Variants in SPAG16 observed in about 807,000 individuals in gnomAD.
The protein encoded by SPAG16 is sperm associated antigen 16.
In SPAG16, 86 loss-of-function variants were observed where a neutral mutation model predicts 80.4. The observed-to-expected ratio is 1.07, with a 90% CI of 0.90 to 1.28. The LOEUF (loss-of-function observed/expected upper bound fraction) is 1.28. Among genes scored for constraint, SPAG16 ranks in the 50% most tolerant of loss-of-function variants. The pLI is 0.00. For synonymous variants in SPAG16, 294 were observed against 265.9 expected, an observed-to-expected ratio of 1.11 and a Z score of -1.03; for missense variants, 870 against 765.3, an observed-to-expected ratio of 1.14 and a Z score of -1.61.
At chr2:213,385,171 G>A (rs2130057) in intron 9 of SPAG16, among the ~76,000 whole-genome samples, 133,327 of 152,104 alleles carry the variant, frequency 0.88, 60,446 homozygotes, top group East Asian at 1. Flanking sequence ...GGGATTTTTG[G>A]CCTTTTATGG....
At chr2:213,764,282 G>A (rs533288483) in intron 10 of SPAG16, among the ~76,000 whole-genome samples, 1 of 151,778 alleles carries the variant, frequency 6.6e-6, no homozygotes, top group Admixed American at 6.6e-5. Context: ...CCAAATGAAT[G>A]CTTGGAATTT....
chr2:213,879,932 C>T (rs188972063), intron 11 of SPAG16, among the ~76,000 whole-genome samples: 1 of 152,122 alleles, frequency 6.6e-6, no homozygotes, highest in African/African-American at 2.4e-5. Flanking sequence ...GTGAAAAGTG[C>T]AGCAATGAAC....
At chr2:213,555,728 A>T (rs907556313) in intron 10 of SPAG16, among the ~76,000 whole-genome samples, 3 of 152,214 alleles carry the variant, frequency 2.0e-5, no homozygotes, top group African/African-American at 7.2e-5. Flanking sequence ...AGCTGAAAGG[A>T]TACTAATGAG....
At chr2:213,311,856 A>G (rs1199161171) in intron 4 of SPAG16, among the ~76,000 whole-genome samples, 1 of 151,510 alleles carries the variant, frequency 6.6e-6, no homozygotes, top group East Asian at 1.9e-4. Flanking sequence ...GAATTCACTT[A>G]ATCTTTCAAA....
chr2:213,712,395 A>G (rs2066038490), intron 10 of SPAG16, among the ~76,000 whole-genome samples: 1 of 152,192 alleles, frequency 6.6e-6, no homozygotes, highest in Admixed American at 6.5e-5. Flanking sequence ...TGTTAAAAAG[A>G]GACTTCTACC....
chr2:213,710,192 G>A (rs1477886270), intron 10 of SPAG16, among the ~76,000 whole-genome samples: 1 of 151,930 alleles, frequency 6.6e-6, no homozygotes, highest in Non-Finnish European at 1.5e-5. Flanking sequence ...GCTGAGGCAG[G>A]AGAATCACTT....
chr2:213,498,031 A>T (rs577675649), intron 10 of SPAG16, among the ~76,000 whole-genome samples: 1 of 152,282 alleles, frequency 6.6e-6, no homozygotes, highest in South Asian at 2.1e-4. Flanking sequence ...GTCAGAGAAG[A>T]TGGTTTAGAA....
intron 5 of SPAG16, among the ~76,000 whole-genome samples, chr2:213,323,128 G>T (rs769462960): frequency 5.3e-5 from 8 of 152,126 alleles, no homozygotes; most frequent in Non-Finnish European, 7.4e-5. Context: ...TACTTTTCAG[G>T]ATGGCTATTA....
Position 213,867,272 on chromosome 2 carries a change from A to G in SPAG16, c.1214+4644A>G, listed in dbSNP as rs527347402. Reference sequence around the variant, plus strand: ...TGTTGGTAGCTGTTGAAAGTGATTCATCAATCATTGAAAATGGTAAATGAA... The same window carrying G: ...TGTTGGTAGCTGTTGAAAGTGATTCGTCAATCATTGAAAATGGTAAATGAA... On this transcript the variant is annotated intron_variant, in intron 11 of 15. Coordinates refer to ENST00000331683, the MANE Select transcript of SPAG16 (RefSeq NM_024532.5). Among the ~76,000 whole-genome samples, 15 of 152,354 alleles carry G rather than the reference A, an allele frequency of 9.8e-5. No homozygotes were observed. The East Asian group carries it at 2.7e-3, about 27-fold the overall frequency.
intron 9 of SPAG16, chr2:213,422,178 C>G (rs1559116849): frequency 1.4e-6 from 1 of 700,858 alleles, no homozygotes; most frequent in African/African-American, 1.7e-5. Flanking sequence ...TTCAGGGAGC[C>G]CAGACCTAGA....
rs183279897 is a variant in SPAG16, at chr2:213,503,824, C to T, written c.1070+13734C>T. Among the ~76,000 whole-genome samples the T allele has an allele frequency of 4.0e-3, 611 of 152,166 alleles. 6 individuals are homozygous for T. Among genetic ancestry groups the T allele is most frequent in the African/African-American group, 0.014 (586 of 41,530 alleles). The stretch of plus-strand genomic sequence containing the variant: ...GTGGAAATGTAACCGGACCCAGGTT[C>T]AGCTCCTCACCACTTGAAAGCCAAA... On this transcript the variant is annotated intron_variant, in intron 10 of 15. Coordinates refer to ENST00000331683, the MANE Select transcript of SPAG16 (RefSeq NM_024532.5).
intron 15 of SPAG16, among the ~76,000 whole-genome samples, chr2:214,297,444 A>G (rs2125942985): frequency 6.6e-6 from 1 of 151,898 alleles, no homozygotes; most frequent in South Asian, 2.1e-4. Flanking sequence ...TTATTTTTAT[A>G]TTTTCAGGTC....
At chr2:213,325,188 A>G (rs1393000526) in intron 5 of SPAG16, among the ~76,000 whole-genome samples, 1 of 152,030 alleles carries the variant, frequency 6.6e-6, no homozygotes, top group Admixed American at 6.6e-5. Flanking sequence ...TGTGTCTTTA[A>G]TTTATGAATG....
chr2:213,696,456 G>A (rs75463192), intron 10 of SPAG16, among the ~76,000 whole-genome samples: 3,217 of 152,030 alleles, frequency 0.021, 66 homozygotes, highest in Middle Eastern at 0.031. Context: ...GGAGAAATCA[G>A]AAAGAGAAAA....
intron 10 of SPAG16, among the ~76,000 whole-genome samples, chr2:213,718,480 G>T (rs573556071): frequency 2.0e-5 from 3 of 152,186 alleles, no homozygotes. Context: ...AGCTTTCAGG[G>T]AGGTGTGGAG....
chr2:213,388,552 A>T (rs2067571987), intron 9 of SPAG16, among the ~76,000 whole-genome samples: 1 of 152,244 alleles, frequency 6.6e-6, no homozygotes, highest in African/African-American at 2.4e-5. Flanking sequence ...GACCAGAGAC[A>T]GTCCATAACA....
chr2:214,341,216 A>T (rs1697668171), intron 15 of SPAG16, among the ~76,000 whole-genome samples: 1 of 152,180 alleles, frequency 6.6e-6, no homozygotes, highest in Non-Finnish European at 1.5e-5. Context: ...GAAGCCTAAA[A>T]AGTGAAAAAG....
chr2:214,277,961 C>T (rs539631627), intron 15 of SPAG16, among the ~76,000 whole-genome samples: 1 of 152,280 alleles, frequency 6.6e-6, no homozygotes, highest in South Asian at 2.1e-4. Flanking sequence ...TGGTGGGGTC[C>T]ACCAGTTCTA....
At chr2:214,209,464 A>G (rs1214569658) in intron 15 of SPAG16, among the ~76,000 whole-genome samples, 1 of 152,200 alleles carries the variant, frequency 6.6e-6, no homozygotes, top group Non-Finnish European at 1.5e-5. Context: ...CCCTGGGAAA[A>G]CTATTCAAAC....
Sources: allele counts gnomAD v4.1 joint callset (sites outside exome capture counted in the v4.1 genomes callset), GRCh38; gene constraint gnomAD v4.1.1; transcripts MANE v1.5; gene names NCBI Gene and HGNC (gene_info 2026-07-23, HGNC 2026-07-21).